Variants in FBXW10B observed in about 807,000 individuals in gnomAD.
The protein encoded by FBXW10B is F-box and WD repeat domain containing protein 10B.
At chr17:15,567,129 G>A in the FBXW10B span, among the ~76,000 whole-genome samples, 7 of 151,708 alleles carry the variant, frequency 4.6e-5, no homozygotes, top group Admixed American at 1.3e-4. Context: ...AAAATTAGCC[G>A]GGCGTGGTGG....
chr17:15,567,974 T>C, the FBXW10B span, among the ~76,000 whole-genome samples: 1 of 152,108 alleles, frequency 6.6e-6, no homozygotes, highest in Non-Finnish European at 1.5e-5. Flanking sequence ...GAGTGAAAAC[T>C]GTGTTTCCAT....
the FBXW10B span, chr17:15,574,103 A>G: frequency 0.32 from 233,918 of 728,986 alleles, 47,549 homozygotes; most frequent in African/African-American, 0.77. Flanking sequence ...ACTGTTCTAG[A>G]GGCTTCTGGC....
At chr17:15,580,328 T>A in the FBXW10B span, among the ~76,000 whole-genome samples, 1 of 152,178 alleles carries the variant, frequency 6.6e-6, no homozygotes, top group African/African-American at 2.4e-5. Context: ...TGTTCTTATA[T>A]AAATTCAATC....
At chr17:15,615,731 T>C in the FBXW10B span, 181 of 1,613,834 alleles carry the variant, frequency 1.1e-4, no homozygotes, top group Middle Eastern at 2.1e-3. Context: ...GGCTGTCCAA[T>C]AGACTTGTGA....
chr17:15,608,302 C>G, the FBXW10B span, among the ~76,000 whole-genome samples: 1 of 145,754 alleles, frequency 6.9e-6, no homozygotes, highest in Non-Finnish European at 1.5e-5. Flanking sequence ...ATTGGGACTA[C>G]AAGCGTGCAC....
At chr17:15,567,271 C>CAA in the FBXW10B span, among the ~76,000 whole-genome samples, 11 of 119,144 alleles carry the variant, frequency 9.2e-5, no homozygotes, top group Admixed American at 2.6e-4. Flanking sequence ...GACTCCATCT[C>CAA]AAAAAAAAAA....
At chr17:15,566,553 T>G in the FBXW10B span, among the ~76,000 whole-genome samples, 2 of 150,314 alleles carry the variant, frequency 1.3e-5, no homozygotes, top group African/African-American at 5.0e-5. Flanking sequence ...TAAAACAAAT[T>G]TTTTTGTTTG....
At chr17:15,614,493 C>A in the FBXW10B span, among the ~76,000 whole-genome samples, 1 of 152,108 alleles carries the variant, frequency 6.6e-6, no homozygotes, top group East Asian at 1.9e-4. Context: ...TGCACCCGGC[C>A]GAGAATAGAA....
At chr17:15,600,541 A>AT in the FBXW10B span, among the ~76,000 whole-genome samples, 1 of 149,550 alleles carries the variant, frequency 6.7e-6, no homozygotes, top group Non-Finnish European at 1.5e-5. Flanking sequence ...AAATAGGAAA[A>AT]GAAGGAACTT....
chr17:15,611,559 C>T, the FBXW10B span, among the ~76,000 whole-genome samples: 3 of 152,134 alleles, frequency 2.0e-5, no homozygotes, highest in South Asian at 2.1e-4. Flanking sequence ...CCACACCGTC[C>T]GCTACTCCCC....
At chr17:15,606,760 G>A in the FBXW10B span, among the ~76,000 whole-genome samples, 1 of 151,964 alleles carries the variant, frequency 6.6e-6, no homozygotes, top group African/African-American at 2.4e-5. Flanking sequence ...CTCTTCTAAA[G>A]AGCAGTTATC....
the FBXW10B span, among the ~76,000 whole-genome samples, chr17:15,582,425 A>G: frequency 6.7e-6 from 1 of 149,500 alleles, no homozygotes; most frequent in African/African-American, 2.6e-5. Context: ...CAACCTGAAT[A>G]TAACCATGAT....
chr17:15,592,397 T>C, the FBXW10B span, among the ~76,000 whole-genome samples: 814 of 145,664 alleles, frequency 5.6e-3, 9 homozygotes, highest in African/African-American at 0.019. Flanking sequence ...ATAATACTAA[T>C]AAAGTTTCAC....
chr17:15,618,818 A>G, the FBXW10B span: 74 of 983,254 alleles, frequency 7.5e-5, no homozygotes, highest in Non-Finnish European at 8.7e-5. Flanking sequence ...AGGAAGTTAC[A>G]CTCAGTCATT....
At chr17:15,606,579 A>G in the FBXW10B span, among the ~76,000 whole-genome samples, 5 of 144,360 alleles carry the variant, frequency 3.5e-5, no homozygotes, top group Admixed American at 2.1e-4. Flanking sequence ...CTACATATAT[A>G]TGTGTGTGTG....
At chr17:15,594,487 A>T in the FBXW10B span, 4 of 455,610 alleles carry the variant, frequency 8.8e-6, no homozygotes, top group South Asian at 1.0e-4. Flanking sequence ...AAAAAAAAAA[A>T]TTCAATATCT....
At chr17:15,596,743 C>T in the FBXW10B span, 1 of 1,443,322 alleles carries the variant, frequency 6.9e-7, no homozygotes, top group East Asian at 2.4e-5. Flanking sequence ...GTTCTGCTCC[C>T]CATCACAGAA....
chr17:15,590,438 C>G, the FBXW10B span, among the ~76,000 whole-genome samples: 2 of 147,344 alleles, frequency 1.4e-5, no homozygotes, highest in African/African-American at 2.6e-5. Flanking sequence ...GGAAAGAGTG[C>G]TGGGGTCCTT....
the FBXW10B span, among the ~76,000 whole-genome samples, chr17:15,569,455 C>CTTTTTTT: frequency 4.5e-3 from 269 of 59,202 alleles, 2 homozygotes; most frequent in Middle Eastern, 0.014. Flanking sequence ...TTTTCTTTTT[C>CTTTTTTT]TTTTTTTTTT....
Sources: allele counts gnomAD v4.1 joint callset (sites outside exome capture counted in the v4.1 genomes callset), GRCh38; gene constraint gnomAD v4.1.1; transcripts MANE v1.5; gene names NCBI Gene and HGNC (gene_info 2026-07-23, HGNC 2026-07-21).